TUBD1: variants seen among roughly 807,000 people sequenced by gnomAD.
The protein encoded by TUBD1 is tubulin delta 1.
TUBD1 carries 38 observed loss-of-function variants against 51.2 expected under a neutral mutation model. That is an observed-to-expected ratio of 0.74 (90% CI 0.57 to 0.97). The LOEUF (loss-of-function observed/expected upper bound fraction) is 0.97, where lower values mean the gene tolerates loss of function less well. Among genes scored for constraint, TUBD1 ranks in the 50% least tolerant of loss-of-function variants. The pLI is 0.00. For missense variants in TUBD1, 489 were observed against 538.4 expected (o/e 0.91, Z 0.91); for synonymous variants, 169 against 178.2 (o/e 0.95, Z 0.41).
At chr17:59,884,835 A>C (rs566501567) in intron 3 of TUBD1, 1 of 166,694 alleles carries the variant, frequency 6.0e-6, no homozygotes, top group Non-Finnish European at 1.3e-5. Flanking sequence ...AGGCAGGATA[A>C]TTGCTTGAAC....
chr17:59,891,091 A>G, intron 1 of TUBD1, 50 bp from the exon 2 acceptor site: 2 of 980,334 alleles, frequency 2.0e-6, no homozygotes, highest in Non-Finnish European at 3.0e-6. Flanking sequence ...ACTAATAAGA[A>G]CAAATAAAAT....
chr17:59,891,049 C>T lies in TUBD1; in HGVS notation c.-39-8G>A, dbSNP rs146260475. 15 of 1,488,560 alleles carry T rather than the reference C, an allele frequency of 1.0e-5. No individual in the cohort carries two copies. Among genetic ancestry groups the T allele is most frequent in the Middle Eastern group, 3.5e-4 (2 of 5,696 alleles). 92.2% of individuals were successfully genotyped at this position (1,488,560 alleles called of 1,614,324 possible). A position where few individuals can be genotyped will look rare whatever the true frequency, so the allele number is the denominator to read the frequency against. ...ATTACCTCTAAAAACAACCTGTAATCGAAAAAAATACGCTTTGAGAACCAC... is the reference window on the plus strand; with the variant it reads ...ATTACCTCTAAAAACAACCTGTAATTGAAAAAAATACGCTTTGAGAACCAC... On this transcript the variant is annotated splice_polypyrimidine_tract_variant and splice_region_variant and intron_variant, in intron 1 of 8. Transcript: ENST00000325752.
chr17:59,863,060 C>A (rs951394119), intron 8 of TUBD1, among the ~76,000 whole-genome samples: 1 of 152,088 alleles, frequency 6.6e-6, no homozygotes, highest in Non-Finnish European at 1.5e-5. Flanking sequence ...ATTGTCCCTG[C>A]TTCATAATAA....
intron 3 of TUBD1, among the ~76,000 whole-genome samples, chr17:59,882,040 G>C (rs1486649466): frequency 1.3e-5 from 2 of 151,452 alleles, no homozygotes; most frequent in Non-Finnish European, 2.9e-5. Context: ...TTGAATACTA[G>C]AGTGTATTTC....
intron 6 of TUBD1, among the ~76,000 whole-genome samples, chr17:59,873,813 C>T (rs1354952845): frequency 2.7e-5 from 4 of 149,386 alleles, no homozygotes; most frequent in East Asian, 2.0e-4. Flanking sequence ...TGCAGTGAGC[C>T]GAGATCGCGC....
At chr17:59,867,675 G>A (rs1049068899) in intron 6 of TUBD1, among the ~76,000 whole-genome samples, 2 of 151,462 alleles carry the variant, frequency 1.3e-5, no homozygotes, top group African/African-American at 4.9e-5. Context: ...GTGACAGTGC[G>A]AGAAATACCA....
At chr17:59,883,545 C>T (rs2144552047) in intron 3 of TUBD1, among the ~76,000 whole-genome samples, 1 of 152,094 alleles carries the variant, frequency 6.6e-6, no homozygotes, top group Non-Finnish European at 1.5e-5. Flanking sequence ...GCTGGGATGA[C>T]AGGCGTGAGC....
In TUBD1 at chr17:59,866,456, T is replaced by C. The variant is rs780698373; in HGVS notation, c.1075+153A>G. The C allele has an allele frequency of 1.1e-4, 86 of 818,022 alleles. 1 individual carries two copies. Among genetic ancestry groups the C allele is most frequent in the South Asian group, 2.0e-4 (11 of 55,646 alleles). 50.7% of individuals were successfully genotyped at this position (818,022 alleles called of 1,614,324 possible). A position where few individuals can be genotyped will look rare whatever the true frequency, so the allele number is the denominator to read the frequency against. ...ACTTCTATATTGGTGTCTAGTCACA[T>C]ACTAACTGATGCCATGGTCAAATTT... On this transcript the variant is annotated intron_variant, in intron 7 of 8. Transcript: ENST00000325752.
intron 3 of TUBD1, among the ~76,000 whole-genome samples, 159 bp downstream of exon 3, chr17:59,885,924 G>A (rs1316366213): frequency 6.6e-6 from 1 of 152,136 alleles, no homozygotes; most frequent in African/African-American, 2.4e-5. Flanking sequence ...ACATAGGCAT[G>A]GAATGAAAGT....
At chr17:59,883,782 G>C (rs1476232206) in intron 3 of TUBD1, among the ~76,000 whole-genome samples, 1 of 151,910 alleles carries the variant, frequency 6.6e-6, no homozygotes, top group East Asian at 1.9e-4. Flanking sequence ...TGAACTCCTG[G>C]GCTCAAGCGA....
rs140139815 is a variant in TUBD1, at chr17:59,869,841, T to C, written c.935-3092A>G. On this transcript the variant is annotated intron_variant, in intron 6 of 8. Coordinates refer to ENST00000325752, the MANE Select transcript of TUBD1 (RefSeq NM_016261.4). ...GCTATTAATACCTAGTAGTGATTTC[T>C]AGTTACACATGACAGACTGAGCATA... 1.3e-3 allele frequency among the ~76,000 whole-genome samples: 195 copies of C among 152,300 alleles called. 1 individual carries two copies. Among genetic ancestry groups the C allele is most frequent in the African/African-American group, 4.0e-3 (168 of 41,576 alleles).
intron 2 of TUBD1, among the ~76,000 whole-genome samples, chr17:59,888,702 G>A (rs1185300283): frequency 2.0e-5 from 3 of 151,782 alleles, no homozygotes; most frequent in Non-Finnish European, 4.4e-5. Context: ...GGAGAAGGAG[G>A]TTCAAGGAGA....
At chr17:59,862,259 G>C (rs554560664) in intron 8 of TUBD1, among the ~76,000 whole-genome samples, 21 of 150,622 alleles carry the variant, frequency 1.4e-4, no homozygotes, top group African/African-American at 4.6e-4. Flanking sequence ...GGAGGCAGAG[G>C]TTGCAGTGAG....
At chr17:59,890,776 C>A in intron 2 of TUBD1, 55 bp downstream of exon 2, 1 of 1,427,540 alleles carries the variant, frequency 7.0e-7, no homozygotes, top group Non-Finnish European at 9.4e-7. Flanking sequence ...GAAGGCCTGG[C>A]TTTGAAGGGG....
chr17:59,864,444 C>A (rs2039607144), intron 7 of TUBD1, among the ~76,000 whole-genome samples: 1 of 152,118 alleles, frequency 6.6e-6, no homozygotes, highest in East Asian at 1.9e-4. Flanking sequence ...CTGCACTGGT[C>A]CCTTTCTTTT....
rs1568302258 is a variant in TUBD1, at chr17:59,874,711, G to A, written c.770-8C>T. 4.2e-5 allele frequency: 67 copies of A among 1,581,464 alleles called. No individual in the cohort carries two copies. Among genetic ancestry groups the A allele is most frequent in the South Asian group, 1.1e-4 (9 of 85,642 alleles). Reference sequence around the variant, plus strand: ...AATGCTCCATTAAGTCTCCTGTAAAGAAAAAAAAATCTGAACTAATTTTTT... The same window carrying A: ...AATGCTCCATTAAGTCTCCTGTAAAAAAAAAAAAATCTGAACTAATTTTTT... On this transcript the variant is annotated splice_region_variant and splice_polypyrimidine_tract_variant and intron_variant, in intron 5 of 8. Coordinates refer to ENST00000325752, the MANE Select transcript of TUBD1 (RefSeq NM_016261.4).
chr17:59,881,184 T>C (rs1004552893), intron 3 of TUBD1, 74 bp from the exon 4 acceptor site: 14 of 1,292,444 alleles, frequency 1.1e-5, no homozygotes, highest in African/African-American at 7.4e-5. Context: ...GAGAGAAAGA[T>C]ACAGGATAGA....
intron 8 of TUBD1, among the ~76,000 whole-genome samples, chr17:59,861,611 G>C (rs1171573226): frequency 6.6e-6 from 1 of 152,074 alleles, no homozygotes; most frequent in Non-Finnish European, 1.5e-5. Flanking sequence ...GAGTAGGAAG[G>C]GAATGACACC....
intron 2 of TUBD1, among the ~76,000 whole-genome samples, chr17:59,887,935 T>C (rs563246553): frequency 1.4e-3 from 202 of 143,472 alleles, no homozygotes; most frequent in African/African-American, 4.7e-3. Flanking sequence ...AGCTGTTAGA[T>C]GTCTTTTTTT....
Sources: allele counts gnomAD v4.1 joint callset (sites outside exome capture counted in the v4.1 genomes callset), GRCh38; gene constraint gnomAD v4.1.1; transcripts MANE v1.5; gene names NCBI Gene and HGNC (gene_info 2026-07-23, HGNC 2026-07-21).